Variants in ZNF410 observed in about 807,000 individuals in gnomAD.
ZNF410 encodes zinc finger protein 410.
In ZNF410, 18 loss-of-function variants were observed where a neutral mutation model predicts 54.8. The observed-to-expected ratio is 0.33, with a 90% CI of 0.23 to 0.49. The LOEUF (loss-of-function observed/expected upper bound fraction) is 0.49, where lower values mean the gene tolerates loss of function less well. Ranked by LOEUF, ZNF410 falls within the 20% of genes least tolerant of loss-of-function variation. ZNF410 has a pLI of 0.99. For synonymous variants in ZNF410, 191 were observed against 207.3 expected, an observed-to-expected ratio of 0.92 and a Z score of 0.68; for missense variants, 405 against 569.6, an observed-to-expected ratio of 0.71 and a Z score of 2.94.
intron 8 of ZNF410, among the ~76,000 whole-genome samples, chr14:73,917,147 T>TA (rs2055680063): frequency 6.6e-6 from 1 of 152,260 alleles, no homozygotes; most frequent in South Asian, 2.1e-4. Context: ...ATTTTTTTCT[T>TA]ACATCGAAAA....
chr14:73,897,803 C>A (rs991794961), intron 4 of ZNF410, among the ~76,000 whole-genome samples: 1 of 152,034 alleles, frequency 6.6e-6, no homozygotes, highest in Non-Finnish European at 1.5e-5. Flanking sequence ...GAAACCCCGT[C>A]TCTACTAAAA....
At chr14:73,909,822 T>C (rs751875328) in intron 8 of ZNF410, among the ~76,000 whole-genome samples, 1 of 152,208 alleles carries the variant, frequency 6.6e-6, no homozygotes, top group Non-Finnish European at 1.5e-5. Context: ...GCACCAGTAA[T>C]ATTACTGCCT....
At chr14:73,930,837 G>C (rs918576368) in intron 11 of ZNF410, among the ~76,000 whole-genome samples, 1 of 152,144 alleles carries the variant, frequency 6.6e-6, no homozygotes, top group South Asian at 2.1e-4. Flanking sequence ...CTGGTCTCAA[G>C]CAGTTCTCCT....
chr14:73,903,873 G>A lies in ZNF410; in HGVS notation c.581-87G>A, dbSNP rs1385076242. The A allele has an allele frequency of 5.3e-6, 8 of 1,501,832 alleles. No individual in the cohort carries two copies. In the Admixed American group the frequency reaches 1.4e-4, roughly 26 times the overall value. The allele number at this position is 1,501,832 out of a possible 1,614,324, so 93.0% of individuals were successfully genotyped here. ...ATAGATACCTGATTAATGATCACTA[G>A]GAGTAAAATATAGGAGCTTTATTGT... On this transcript the variant is annotated intron_variant, in intron 5 of 11. Transcript: ENST00000555044.
chr14:73,890,269 A>C (rs2055208537), intron 1 of ZNF410, among the ~76,000 whole-genome samples: 1 of 150,920 alleles, frequency 6.6e-6, no homozygotes. Flanking sequence ...GCTCACTGCA[A>C]CCTCCATCTC....
intron 8 of ZNF410, among the ~76,000 whole-genome samples, chr14:73,918,722 A>C: frequency 9.3e-6 from 1 of 107,052 alleles, no homozygotes; most frequent in Non-Finnish European, 1.8e-5. Context: ...TTTCCCCTAA[A>C]CGGAGTCTTG....
intron 9 of ZNF410, among the ~76,000 whole-genome samples, chr14:73,921,568 C>G (rs1432792516): frequency 1.3e-5 from 2 of 152,126 alleles, no homozygotes; most frequent in Non-Finnish European, 2.9e-5. Flanking sequence ...ACCTCTGCCT[C>G]CTGGGTTCAA....
At chr14:73,896,961 G>T (rs917745125) in intron 4 of ZNF410, among the ~76,000 whole-genome samples, 1 of 152,094 alleles carries the variant, frequency 6.6e-6, no homozygotes, top group African/African-American at 2.4e-5. Flanking sequence ...GAAGTCTCAA[G>T]CATAAACAGA....
chr14:73,893,978 C>G lies in ZNF410; in HGVS notation c.169+46C>G, dbSNP rs761365217. 1.9e-5 allele frequency: 30 copies of G among 1,573,268 alleles called. No individual in the cohort carries two copies. In the South Asian group the frequency reaches 3.4e-4, roughly 18 times the overall value. Reference sequence around the variant, plus strand: ...AAATAGGATAAAGAAGTCTTAAGAGCTTAGCCTACTCTATGTTACTGGTGG... The same window carrying G: ...AAATAGGATAAAGAAGTCTTAAGAGGTTAGCCTACTCTATGTTACTGGTGG... On this transcript the variant is annotated intron_variant, in intron 3 of 11. Transcript: ENST00000555044.
At chr14:73,891,946 A>G (rs1047960392) in intron 1 of ZNF410, 81 bp from the exon 2 acceptor site, 3 of 617,740 alleles carry the variant, frequency 4.9e-6, no homozygotes, top group Admixed American at 6.5e-5. Context: ...TTTTTTTTGT[A>G]TATGTAAAGA....
chr14:73,892,750 G>T (rs1469375290), intron 2 of ZNF410, among the ~76,000 whole-genome samples: 2 of 152,134 alleles, frequency 1.3e-5, no homozygotes, highest in Non-Finnish European at 2.9e-5. Flanking sequence ...CCTTAGACAA[G>T]TCACTTAATG....
chr14:73,897,078 G>A (rs1490580986), intron 4 of ZNF410, among the ~76,000 whole-genome samples: 2 of 152,246 alleles, frequency 1.3e-5, no homozygotes, highest in East Asian at 3.9e-4. Flanking sequence ...TGGTAGCAGG[G>A]AAGCCAAGGG....
rs546886737 is a variant in ZNF410 at position 73,901,178 on chromosome 14, C to T, written c.581-2782C>T. On this transcript the variant is annotated intron_variant, in intron 5 of 11. Coordinates refer to ENST00000555044, the MANE Select transcript of ZNF410 (RefSeq NM_021188.3). ...CAAAGGCCTTTGGGCCAAATCCCCA[C>T]CTGTTTTTATAATTAAAGTTTTATG... 3.0e-4 allele frequency among the ~76,000 whole-genome samples: 45 copies of T among 152,300 alleles called. 1 individual carries two copies. Among genetic ancestry groups the T allele is most frequent in the Non-Finnish European group, 5.0e-4 (34 of 68,030 alleles).
intron 7 of ZNF410, 28 bp downstream of exon 7, chr14:73,905,111 G>A: frequency 2.5e-6 from 4 of 1,603,484 alleles, no homozygotes; most frequent in Non-Finnish European, 3.4e-6. Flanking sequence ...ATTCCTTTGG[G>A]CAGTCTGCTC....
chr14:73,921,236 G>T (rs1370115779), intron 9 of ZNF410, 131 bp downstream of exon 9: 2 of 1,194,792 alleles, frequency 1.7e-6, no homozygotes, highest in Non-Finnish European at 2.3e-6. Context: ...CATTTGATGG[G>T]CTGATGGTTT....
At chr14:73,905,964 CACACATATATAT>C (rs751540763) in intron 7 of ZNF410, among the ~76,000 whole-genome samples, 47,144 of 100,356 alleles carry the variant, frequency 0.47, 9,139 homozygotes, top group Non-Finnish European at 0.53. Flanking sequence ...CACACACACA[CACACATATATAT>C]ATATATATAT....
chr14:73,894,624 A>C (rs2055284613), intron 3 of ZNF410, among the ~76,000 whole-genome samples: 1 of 151,966 alleles, frequency 6.6e-6, no homozygotes, highest in Non-Finnish European at 1.5e-5. Context: ...ACGGGGTTTC[A>C]CCATGTTGGC....
At chr14:73,892,308 A>T (rs2055242333) in intron 2 of ZNF410, 100 bp downstream of exon 2, 1 of 1,137,078 alleles carries the variant, frequency 8.8e-7, no homozygotes, top group African/African-American at 1.6e-5. Flanking sequence ...AATGGGCCAG[A>T]TAATAAATAT....
At chr14:73,910,127 A>C (rs2055554952) in intron 8 of ZNF410, among the ~76,000 whole-genome samples, 1 of 152,170 alleles carries the variant, frequency 6.6e-6, no homozygotes, top group Non-Finnish European at 1.5e-5. Flanking sequence ...TTTACTTGGA[A>C]AACAAGATGG....
Sources: allele counts gnomAD v4.1 joint callset (sites outside exome capture counted in the v4.1 genomes callset), GRCh38; gene constraint gnomAD v4.1.1; transcripts MANE v1.5; gene names NCBI Gene and HGNC (gene_info 2026-07-23, HGNC 2026-07-21).